KIF3C: variants seen among roughly 807,000 people sequenced by gnomAD.
KIF3C encodes kinesin-like protein KIF3C.
A neutral mutation model predicts 67.7 loss-of-function variants in KIF3C; 12 were observed. The observed-to-expected ratio is 0.18, with a 90% CI of 0.11 to 0.29. The LOEUF is 0.29. KIF3C is among the 10% of genes least tolerant of loss of function. The pLI is 1.00. For missense variants in KIF3C, 789 were observed against 1,059.6 expected (o/e 0.74, Z 3.55); for synonymous variants, 393 against 426.2 (o/e 0.92, Z 0.96).
intron 5 of KIF3C, among the ~76,000 whole-genome samples, chr2:25,935,905 A>G (rs796910586): frequency 6.0e-5 from 9 of 151,252 alleles, no homozygotes; most frequent in East Asian, 2.0e-4. Flanking sequence ...GTGAAACCCC[A>G]TCTCTACTAA....
chr2:25,929,107 A>G (rs1256361350), intron 7 of KIF3C, 36 bp from the exon 8 acceptor site: 1 of 1,569,202 alleles, frequency 6.4e-7, no homozygotes, highest in Non-Finnish European at 8.8e-7. Context: ...AGGGGAGGTT[A>G]GGGAAATACA....
intron 1 of KIF3C, among the ~76,000 whole-genome samples, chr2:25,959,948 T>G (rs566019382): frequency 6.6e-6 from 1 of 152,338 alleles, no homozygotes; most frequent in East Asian, 1.9e-4. Flanking sequence ...GAGCCTGCTG[T>G]CTGGCCTGGC....
intron 5 of KIF3C, among the ~76,000 whole-genome samples, chr2:25,950,237 G>A (rs1663561266): frequency 6.8e-6 from 1 of 145,988 alleles, no homozygotes; most frequent in Non-Finnish European, 1.5e-5. Context: ...TTTTTTTTGA[G>A]ACGGAGTCTT....
At chr2:25,950,229 T>G (rs1663560964) in intron 5 of KIF3C, among the ~76,000 whole-genome samples, 1 of 150,190 alleles carries the variant, frequency 6.7e-6, no homozygotes, top group Non-Finnish European at 1.5e-5. Context: ...TTTCTTTTTT[T>G]TTTTTGAGAC....
rs566264203 is a variant in KIF3C, at chr2:25,939,453, C to T, written c.2007-9390G>A. 3.3e-5 allele frequency among the ~76,000 whole-genome samples: 5 copies of T among 152,296 alleles called. No homozygotes were observed. The East Asian group carries it at 5.8e-4, about 18-fold the overall frequency. ...TGAACTCTCAGCCTTCCCATTTCCC[C>T]TCCATGCTGTCCCCGACCCGCCTGG... On this transcript the variant is annotated intron_variant, in intron 5 of 7. Coordinates refer to ENST00000264712, the MANE Select transcript of KIF3C (RefSeq NM_002254.8).
intron 5 of KIF3C, among the ~76,000 whole-genome samples, chr2:25,949,418 ACC>A (rs1663538279): frequency 1.3e-5 from 2 of 151,634 alleles, no homozygotes; most frequent in African/African-American, 4.9e-5. Flanking sequence ...TACAAAAAAT[ACC>A]AAAAAAAAAG....
At chr2:25,956,292 A>G (rs1663804665) in intron 2 of KIF3C, 51 bp downstream of exon 2, 7 of 1,354,246 alleles carry the variant, frequency 5.2e-6, no homozygotes, top group Non-Finnish European at 6.3e-6. Context: ...CCTCCCAGAC[A>G]TGAGCTGCAG....
intron 5 of KIF3C, chr2:25,938,397 G>C (rs1441431825): frequency 1.0e-5 from 4 of 383,510 alleles, no homozygotes; most frequent in African/African-American, 4.2e-5. Flanking sequence ...TTTTGAATCG[G>C]GCAACACCTC....
intron 1 of KIF3C, among the ~76,000 whole-genome samples, chr2:25,961,190 A>C (rs1340448005): frequency 3.3e-5 from 5 of 152,256 alleles, no homozygotes; most frequent in African/African-American, 1.2e-4. Flanking sequence ...TGGAGGTTAA[A>C]GCACTCCTGG....
Position 25,981,468 on chromosome 2 carries a change from C to G in KIF3C, c.450G>C (p.Gln150His), listed in dbSNP as rs766121248. 2 of 1,614,012 alleles carry G rather than the reference C, an allele frequency of 1.2e-6. No individual in the cohort carries two copies. Among genetic ancestry groups the G allele is most frequent in the Non-Finnish European group, 1.7e-6 (2 of 1,180,046 alleles). Residue 150 changes from glutamine (Q) to histidine (H), a missense_variant, in exon 1 of 8, where the codon CAG (glutamine) becomes CAC (histidine). Physicochemically the swap from Gln to His is conservative, Grantham distance 24 (BLOSUM62 0). Transcript: ENST00000264712. The surrounding 1 kb of genome is among the most constrained non-coding windows in gnomAD (Gnocchi z 8.2). ...LVRASYLEIY[Q>H]EEIRDLLSKE... ...TGGAGAGCAGGTCTCGAATCTCTTC[C>G]TGGTAGATCTCCAAATAGGAGGCCC...
chr2:25,980,707 G>A lies in KIF3C; in HGVS notation c.1211C>T (p.Pro404Leu). ...LEKRGMLGKR[P>L]RRKSSRRKKA... is the part of the protein sequence containing the mutation. ...CTTCCTGCGGCTGCTCTTCCTCCGGGGCCGCTTCCCCAGCATCCCCCTCTT... is the reference window on the plus strand; with the variant it reads ...CTTCCTGCGGCTGCTCTTCCTCCGGAGCCGCTTCCCCAGCATCCCCCTCTT... Residue 404 changes from proline (P) to leucine (L), a missense_variant, in exon 1 of 8, where the codon CCC becomes CTC. Pro to Leu is a moderately conservative substitution (Grantham distance 98, BLOSUM62 -3). Around this residue, in one of 2 missense-constraint regions of KIF3C, gnomAD observed 648 missense variants for 807.8 expected, o/e 0.80. Coordinates refer to ENST00000264712, the MANE Select transcript of KIF3C (RefSeq NM_002254.8). The surrounding 1 kb of genome is among the most constrained non-coding windows in gnomAD (Gnocchi z 7.6). 1.2e-6 allele frequency: 2 copies of A among 1,614,098 alleles called. No individual in the cohort carries two copies. The highest frequency in any genetic ancestry group is 8.5e-7 in the Non-Finnish European group (1 of 1,180,008).
intron 5 of KIF3C, among the ~76,000 whole-genome samples, chr2:25,932,615 C>G (rs2090470757): frequency 6.7e-6 from 1 of 149,360 alleles, no homozygotes; most frequent in Non-Finnish European, 1.5e-5. Flanking sequence ...GGCGGATCAC[C>G]TGAGGTCAGG....
At chr2:25,943,199 G>A (rs1663341010) in intron 5 of KIF3C, among the ~76,000 whole-genome samples, 1 of 152,150 alleles carries the variant, frequency 6.6e-6, no homozygotes, top group African/African-American at 2.4e-5. Context: ...ATTAAGTGAT[G>A]CGGCAAGTGG....
intron 5 of KIF3C, chr2:25,938,169 C>T (rs1663187748): frequency 5.2e-6 from 2 of 381,980 alleles, no homozygotes; most frequent in Non-Finnish European, 1.0e-5. Flanking sequence ...TCAAGACCAG[C>T]CTGGCCAATT....
chr2:25,972,288 A>G (rs1664304177), intron 1 of KIF3C, among the ~76,000 whole-genome samples: 1 of 152,078 alleles, frequency 6.6e-6, no homozygotes, highest in Non-Finnish European at 1.5e-5. Context: ...GAGAAACCTA[A>G]CACTGGACCA....
At chr2:25,947,100 A>G (rs970391200) in intron 5 of KIF3C, among the ~76,000 whole-genome samples, 1 of 152,100 alleles carries the variant, frequency 6.6e-6, no homozygotes, top group Admixed American at 6.6e-5. Context: ...GGTTGAAATG[A>G]GCCGAGATTG....
At chr2:25,931,228 G>A (rs1464108317) in intron 5 of KIF3C, among the ~76,000 whole-genome samples, 4 of 151,918 alleles carry the variant, frequency 2.6e-5, no homozygotes, top group African/African-American at 4.8e-5. Context: ...AGGCCGAGAC[G>A]GGTAGATCAC....
chr2:25,929,338 G>T lies in KIF3C; in HGVS notation c.2255C>A (p.Pro752His). 1 of 1,614,156 alleles carries T rather than the reference G, an allele frequency of 6.2e-7. No homozygotes were observed. The highest frequency in any genetic ancestry group is 8.5e-7 in the Non-Finnish European group (1 of 1,180,004). The change falls in exon 7 of 8, where the codon CCT becomes CAT. Residue 752 changes from proline (P) to histidine (H), a missense_variant. Pro to His is a moderately conservative substitution (Grantham distance 77, BLOSUM62 -2). Around this residue, in one of 2 missense-constraint regions of KIF3C, gnomAD observed 648 missense variants for 807.8 expected, o/e 0.80. Transcript: ENST00000264712. ...LMRLDSFLER[P>H]STSKVRKSRS... is the part of the protein sequence containing the mutation. Reference sequence around the variant, plus strand: ...GGACTTTCGGACTTTAGACGTGGAAGGTCTTTCCAGAAAGCTGTCCAATCG... The same window carrying T: ...GGACTTTCGGACTTTAGACGTGGAATGTCTTTCCAGAAAGCTGTCCAATCG...
chr2:25,933,700 T>G (rs1290641604), intron 5 of KIF3C, among the ~76,000 whole-genome samples: 1 of 148,608 alleles, frequency 6.7e-6, no homozygotes, highest in South Asian at 2.1e-4. Context: ...AAACCCACAA[T>G]GGATACCAGT....
Sources: gnomAD v4.1 joint callset for allele counts (sites outside exome capture counted in the v4.1 genomes callset) on GRCh38, gnomAD v4.1.1 for gene constraint, gnomAD v4.1.1 regional missense constraint, Gnocchi (gnomAD v3.1) non-coding constraint, MANE v1.5 for transcripts, NCBI Gene and HGNC (gene_info 2026-07-23, HGNC 2026-07-21) for gene names.